The following OSBPL2 variants were observed in gnomAD, a reference collection of about 807,000 sequenced individuals.
OSBPL2 encodes oxysterol binding protein like 2.
In OSBPL2, 18 loss-of-function variants were observed where a neutral mutation model predicts 58.4. The observed-to-expected ratio is 0.31, with a 90% CI of 0.21 to 0.46. The LOEUF (loss-of-function observed/expected upper bound fraction) is 0.46, where lower values mean the gene tolerates loss of function less well. Among genes scored for constraint, OSBPL2 ranks in the 20% least tolerant of loss-of-function variants. OSBPL2 has a pLI of 1.00. For missense variants in OSBPL2, 461 were observed against 616.5 expected, an observed-to-expected ratio of 0.75 and a Z score of 2.67; for synonymous variants, 221 against 234.1, an observed-to-expected ratio of 0.94 and a Z score of 0.51.
At chr20:62,262,134 C>T (rs1395753928) in intron 3 of OSBPL2, among the ~76,000 whole-genome samples, 1 of 148,072 alleles carries the variant, frequency 6.8e-6, no homozygotes, top group Non-Finnish European at 1.5e-5. Context: ...AGGATGACCA[C>T]ATGGCCGGCC....
At chr20:62,259,585 T>A (rs1443031185) in intron 2 of OSBPL2, among the ~76,000 whole-genome samples, 1 of 152,204 alleles carries the variant, frequency 6.6e-6, no homozygotes, top group South Asian at 2.1e-4. Context: ...TCACAAGCCC[T>A]GAGCCACAAC....
At chr20:62,275,983 C>T (rs1046350632) in intron 6 of OSBPL2, among the ~76,000 whole-genome samples, 5 of 151,076 alleles carry the variant, frequency 3.3e-5, no homozygotes, top group South Asian at 2.1e-4. Flanking sequence ...GATCTCCACT[C>T]GCTGCAACCT....
rs1983335763 is a variant in OSBPL2 at position 62,289,280 on chromosome 20, C to T, written c.1199C>T (p.Thr400Met). Residue 400 changes from threonine to methionine, a missense_variant, in exon 12 of 14, where the codon ACG (threonine) becomes ATG (methionine). Thr to Met is a moderately conservative substitution (Grantham distance 81, BLOSUM62 -1). This residue lies in a region of OSBPL2 where 319 missense variants were observed against 419.2 expected (regional missense o/e 0.76). Coordinates refer to ENST00000313733, the MANE Select transcript of OSBPL2 (RefSeq NM_144498.4). ...GGCATGGAGAAGACCCTGCCACCCACGGACTGCCGCCTGCGCCCTGACATC... is the reference window on the plus strand; with the variant it reads ...GGCATGGAGAAGACCCTGCCACCCATGGACTGCCGCCTGCGCCCTGACATC... Reference protein sequence around the residue: ...ETGMEKTLPPTDCRLRPDIRG... With the variant: ...ETGMEKTLPPMDCRLRPDIRG... 2.5e-6 allele frequency: 4 copies of T among 1,613,570 alleles called. No homozygotes were observed. The highest frequency in any genetic ancestry group is 2.5e-6 in the Non-Finnish European group (3 of 1,179,762).
intron 1 of OSBPL2, among the ~76,000 whole-genome samples, chr20:62,252,786 G>A (rs1417950757): frequency 6.6e-6 from 1 of 152,260 alleles, no homozygotes; most frequent in African/African-American, 2.4e-5. Context: ...TTTACTCGTG[G>A]TGGAAGGCGA....
At chr20:62,243,425 G>GCCTGCCCCGCAGCC (rs200281102) in intron 1 of OSBPL2, among the ~76,000 whole-genome samples, 1 of 151,728 alleles carries the variant, frequency 6.6e-6, no homozygotes, top group African/African-American at 2.4e-5. Context: ...GAGCCCTAGC[G>GCCTGCCCCGCAGCC]CCTGCCCCGC....
chr20:62,240,267 C>G (rs1979635894), intron 1 of OSBPL2, among the ~76,000 whole-genome samples: 1 of 152,170 alleles, frequency 6.6e-6, no homozygotes, highest in Admixed American at 6.5e-5. Flanking sequence ...CCTGCCCAGC[C>G]CAGTGCCTGC....
intron 11 of OSBPL2, 64 bp from the exon 12 acceptor site, chr20:62,289,143 C>T: frequency 6.3e-7 from 1 of 1,582,230 alleles, no homozygotes; most frequent in Non-Finnish European, 8.6e-7. Context: ...CACTGGGGGT[C>T]TTGGAGCATA....
intron 1 of OSBPL2, among the ~76,000 whole-genome samples, chr20:62,247,648 C>CTTAG (rs1350592148): frequency 1.3e-5 from 2 of 151,138 alleles, no homozygotes; most frequent in African/African-American, 4.8e-5. Flanking sequence ...GGATGGGGTC[C>CTTAG]TTAGGGTCCT....
chr20:62,263,763 G>C, intron 4 of OSBPL2, 72 bp downstream of exon 4: 2 of 1,400,368 alleles, frequency 1.4e-6, no homozygotes, highest in Non-Finnish European at 2.0e-6. Flanking sequence ...CAGTGCTGGT[G>C]GTTTAAGAAA....
chr20:62,240,470 A>C (rs1277151495), intron 1 of OSBPL2, among the ~76,000 whole-genome samples: 1 of 152,220 alleles, frequency 6.6e-6, no homozygotes, highest in Non-Finnish European at 1.5e-5. Flanking sequence ...TGATCTTCAC[A>C]ACAGTCCACT....
At chr20:62,283,544 C>T (rs756837536) in intron 9 of OSBPL2, among the ~76,000 whole-genome samples, 22 of 152,098 alleles carry the variant, frequency 1.4e-4, no homozygotes, top group Non-Finnish European at 2.5e-4. Context: ...AAAAGGCAGG[C>T]GGGGAACCAA....
chr20:62,273,033 C>T (rs1286183749), intron 5 of OSBPL2, among the ~76,000 whole-genome samples: 3 of 152,210 alleles, frequency 2.0e-5, no homozygotes, highest in Non-Finnish European at 4.4e-5. Flanking sequence ...GACGGAGTGG[C>T]TGACATTGCT....
chr20:62,291,581 C>T, intron 12 of OSBPL2, 122 bp from the exon 13 acceptor site: 1 of 843,766 alleles, frequency 1.2e-6, no homozygotes. Context: ...GATCACAGAA[C>T]CTGTTGTCTG....
chr20:62,279,909 G>C, intron 7 of OSBPL2: 3 of 1,281,470 alleles, frequency 2.3e-6, no homozygotes, highest in Non-Finnish European at 3.1e-6. Context: ...ATGTGGCAGG[G>C]GTGACTTAGG....
intron 1 of OSBPL2, among the ~76,000 whole-genome samples, chr20:62,244,673 A>T (rs1157047955): frequency 6.6e-6 from 1 of 152,250 alleles, no homozygotes; most frequent in Non-Finnish European, 1.5e-5. Context: ...TTGGCAATTA[A>T]TATTCCACAG....
rs1982765672 is a variant in OSBPL2 at position 62,281,279 on chromosome 20, T to C, written c.782+114T>C. 3 of 713,392 alleles carry C rather than the reference T, an allele frequency of 4.2e-6. No homozygotes were observed. The South Asian group carries it at 5.0e-5, about 12-fold the overall frequency. 44.2% of individuals were successfully genotyped at this position (713,392 alleles called of 1,614,324 possible). ...GTTTTAGCTCAGCCTCACGAGCTGC[T>C]GCCGTGTCCCCGCCAGCCCAGGCAT... On this transcript the variant is annotated intron_variant, in intron 8 of 13. Coordinates refer to ENST00000313733, the MANE Select transcript of OSBPL2 (RefSeq NM_144498.4).
intron 1 of OSBPL2, among the ~76,000 whole-genome samples, chr20:62,245,046 T>C (rs1980009049): frequency 6.6e-6 from 1 of 151,898 alleles, no homozygotes; most frequent in Admixed American, 6.6e-5. Context: ...GAGTCAGGGT[T>C]GAGCCATTCG....
Position 62,291,574 on chromosome 20 carries a change from C to G in OSBPL2, c.1250-129C>G, listed in dbSNP as rs1408704171. ...CTGTGATTGTGTTTGGTCTCCCGAT[C>G]ACAGAACCTGTTGTCTGTGGCATTC... On this transcript the variant is annotated intron_variant, in intron 12 of 13. Transcript: ENST00000313733. 4.0e-5 allele frequency: 33 copies of G among 817,482 alleles called. No individual in the cohort carries two copies. The Admixed American group carries it at 5.9e-4, about 15-fold the overall frequency. 50.6% of individuals were successfully genotyped at this position (817,482 alleles called of 1,614,324 possible).
intron 4 of OSBPL2, among the ~76,000 whole-genome samples, chr20:62,267,734 C>T (rs567425628): frequency 2.0e-5 from 3 of 152,180 alleles, no homozygotes; most frequent in Non-Finnish European, 4.4e-5. Context: ...TAGACCGGCA[C>T]GCAGTTGTGA....
Sources: gnomAD v4.1 joint callset for allele counts (sites outside exome capture counted in the v4.1 genomes callset) on GRCh38, gnomAD v4.1.1 for gene constraint, gnomAD v4.1.1 regional missense constraint, MANE v1.5 for transcripts, NCBI Gene and HGNC (gene_info 2026-07-23, HGNC 2026-07-21) for gene names.